Variants in SNX25 observed in about 807,000 individuals in gnomAD.
SNX25 encodes the protein sorting nexin 25.
In SNX25, 62 loss-of-function variants were observed where a neutral mutation model predicts 113.7. The ratio of observed to expected loss-of-function variants is 0.55; its 90% CI spans 0.44 to 0.67. SNX25 has a LOEUF of 0.67. Ranked by LOEUF, SNX25 falls within the 30% of genes least tolerant of loss-of-function variation. The probability of loss-of-function intolerance (pLI) is 0.00; values close to 1 mark genes in which losing one functional copy is unlikely to be tolerated. For synonymous variants in SNX25, 421 were observed against 436.2 expected, an observed-to-expected ratio of 0.97 and a Z score of 0.43; for missense variants, 1,014 against 1,161.0, an observed-to-expected ratio of 0.87 and a Z score of 1.84.
intron 6 of SNX25, among the ~76,000 whole-genome samples, chr4:185,309,028 A>G (rs1052603721): frequency 1.3e-5 from 2 of 152,212 alleles, no homozygotes; most frequent in African/African-American, 2.4e-5. Flanking sequence ...TTTGGAAGTA[A>G]TGACTCTTCT....
chr4:185,240,472 G>C (rs1448132938), intron 1 of SNX25, among the ~76,000 whole-genome samples: 5 of 150,522 alleles, frequency 3.3e-5, no homozygotes. Context: ...AGGGGCGGCC[G>C]GGCAGAGGCG....
chr4:185,250,860 G>A (rs1745528801), intron 2 of SNX25, among the ~76,000 whole-genome samples: 1 of 151,472 alleles, frequency 6.6e-6, no homozygotes, highest in Non-Finnish European at 1.5e-5. Flanking sequence ...AGGTTAGTCT[G>A]ATATAAGCTA....
At chr4:185,372,882 A>T (rs766924375), downstream of SNX25, 3 of 1,608,840 alleles carry the variant, frequency 1.9e-6, no homozygotes, top group Non-Finnish European at 2.6e-6. Flanking sequence ...CACACTTTGT[A>T]AAAAATTTCA....
At chr4:185,322,189 T>G (rs1167832067) in intron 8 of SNX25, among the ~76,000 whole-genome samples, 1 of 152,238 alleles carries the variant, frequency 6.6e-6, no homozygotes, top group African/African-American at 2.4e-5. Flanking sequence ...TCCCAGCACT[T>G]TGGGAGGCCA....
chr4:185,240,269 A>G (rs1579426632), intron 1 of SNX25, among the ~76,000 whole-genome samples: 1 of 151,282 alleles, frequency 6.6e-6, no homozygotes, highest in Non-Finnish European at 1.5e-5. Flanking sequence ...CCCGTTCTCA[A>G]TGAGCTGTTG....
intron 15 of SNX25, among the ~76,000 whole-genome samples, chr4:185,356,622 T>C (rs1204903017): frequency 6.6e-6 from 1 of 152,248 alleles, no homozygotes. Context: ...CTTTAGAGTA[T>C]ATTAATGTCT....
chr4:185,314,305 T>C (rs964176162), intron 7 of SNX25, among the ~76,000 whole-genome samples: 16 of 87,352 alleles, frequency 1.8e-4, no homozygotes, highest in African/African-American at 7.6e-4. Context: ...CCTGGGAACA[T>C]ACAAGACTCC....
intron 2 of SNX25, among the ~76,000 whole-genome samples, chr4:185,255,635 GTGGAC>G (rs1418907184): frequency 1.3e-5 from 2 of 152,140 alleles, no homozygotes; most frequent in African/African-American, 4.8e-5. Flanking sequence ...TGGATATCTA[GTGGAC>G]GAGGATGCTA....
intron 5 of SNX25, among the ~76,000 whole-genome samples, chr4:185,277,169 C>T (rs573455583): frequency 1.4e-4 from 21 of 152,208 alleles, no homozygotes; most frequent in African/African-American, 4.8e-4. Flanking sequence ...GGATTACAGG[C>T]GTGTGCTACC....
At chr4:185,375,076 C>T (rs1026617266), downstream of SNX25, among the ~76,000 whole-genome samples, 1 of 151,950 alleles carries the variant, frequency 6.6e-6, no homozygotes, top group Admixed American at 6.6e-5. Context: ...TCAAACATCA[C>T]CCAAAAGAAG....
intron 5 of SNX25, among the ~76,000 whole-genome samples, chr4:185,287,675 T>C (rs889396687): frequency 1.2e-4 from 19 of 152,174 alleles, no homozygotes; most frequent in Admixed American, 1.1e-3. Flanking sequence ...ATGTAAGAAG[T>C]AGAATCAGCT....
rs529012547 is a variant in SNX25 at position 185,270,921 on chromosome 4, C to G, written c.1091+3766C>G. Among the ~76,000 whole-genome samples the G allele has an allele frequency of 4.6e-5, 7 of 152,252 alleles. No individual in the cohort carries two copies. The South Asian group carries it at 8.3e-4, about 18-fold the overall frequency. On this transcript the variant is annotated intron_variant, in intron 5 of 18. Coordinates refer to ENST00000652585, the MANE Select transcript of SNX25 (RefSeq NM_001378034.2). Reference sequence around the variant, plus strand: ...AATATAGCACATTTTATCCTTTCACCGGTCCATGGGCAAGTTGGATTGTCT... The same window carrying G: ...AATATAGCACATTTTATCCTTTCACGGGTCCATGGGCAAGTTGGATTGTCT...
intron 1 of SNX25, among the ~76,000 whole-genome samples, chr4:185,212,037 C>T (rs1737899332): frequency 6.6e-6 from 1 of 152,162 alleles, no homozygotes; most frequent in Admixed American, 6.5e-5. Flanking sequence ...CTCATGAATA[C>T]TACCCGAAGA....
intron 16 of SNX25, among the ~76,000 whole-genome samples, chr4:185,359,160 C>T (rs535933940): frequency 6.6e-6 from 1 of 152,184 alleles, no homozygotes; most frequent in South Asian, 2.1e-4. Context: ...TACGACCAGC[C>T]TGGGCAACAT....
chr4:185,303,894 T>C (rs2126649370), intron 6 of SNX25, among the ~76,000 whole-genome samples: 1 of 152,282 alleles, frequency 6.6e-6, no homozygotes, highest in South Asian at 2.1e-4. Flanking sequence ...ATTTGTTCTT[T>C]TCAAAAAAGG....
In SNX25 at chr4:185,210,191, C is replaced by T. The variant is rs1737512381; in HGVS notation, c.365C>T (p.Pro122Leu). The T allele has an allele frequency of 2.0e-6, 2 of 984,810 alleles. No homozygotes were observed. The highest frequency in any genetic ancestry group is 2.4e-6 in the Non-Finnish European group (2 of 830,218). The allele number at this position is 984,810 out of a possible 1,614,324, so 61.0% of individuals were successfully genotyped here. Reference sequence around the variant, plus strand: ...GTCTGCCGGAGCCCGCGCGCCCAGCCGCCCGACTTCGCCGCCGCCTGGAGC... The same window carrying T: ...GTCTGCCGGAGCCCGCGCGCCCAGCTGCCCGACTTCGCCGCCGCCTGGAGC... ...ALVCRSPRAQ[P>L]PDFAAAWSRL... Residue 122 changes from proline to leucine, a missense_variant, in exon 1 of 19, where the codon CCG (proline) becomes CTG (leucine). Coordinates refer to ENST00000652585, the MANE Select transcript of SNX25 (RefSeq NM_001378034.2). The surrounding 1 kb of genome is among the most constrained non-coding windows in gnomAD (Gnocchi z 4.4).
chr4:185,218,891 A>G (rs1272864373), intron 1 of SNX25, among the ~76,000 whole-genome samples: 1 of 85,558 alleles, frequency 1.2e-5, no homozygotes, highest in Non-Finnish European at 2.7e-5. Context: ...CTAATTTTAA[A>G]GTTTTTTTTA....
In SNX25 at chr4:185,281,942, G is replaced by A. The variant is rs200507935; in HGVS notation, c.1092-6070G>A. ...GAGACATGAGAATCGCTTGAACCTGGGAGGTGGAAGTTGCAGTGAGTCGAG... is the reference window on the plus strand; with the variant it reads ...GAGACATGAGAATCGCTTGAACCTGAGAGGTGGAAGTTGCAGTGAGTCGAG... On this transcript the variant is annotated intron_variant, in intron 5 of 18. Transcript: ENST00000652585. Among the ~76,000 whole-genome samples the A allele has an allele frequency of 3.9e-5, 6 of 152,200 alleles. No homozygotes were observed. The East Asian group carries it at 1.2e-3, about 29-fold the overall frequency.
intron 13 of SNX25, among the ~76,000 whole-genome samples, chr4:185,349,421 G>A (rs1018112835): frequency 2.6e-5 from 4 of 152,172 alleles, no homozygotes; most frequent in Non-Finnish European, 5.9e-5. Context: ...TCCTTTGGAT[G>A]TATATCCAGT....
Sources: gnomAD v4.1 joint callset for allele counts (sites outside exome capture counted in the v4.1 genomes callset) on GRCh38, gnomAD v4.1.1 for gene constraint, Gnocchi (gnomAD v3.1) non-coding constraint, MANE v1.5 for transcripts, NCBI Gene and HGNC (gene_info 2026-07-23, HGNC 2026-07-21) for gene names.